Variants in EFL1 observed in about 807,000 individuals in gnomAD.
The protein encoded by EFL1 is elongation factor like GTPase 1.
In EFL1, 76 loss-of-function variants were observed where a neutral mutation model predicts 126.7. The observed-to-expected ratio is 0.60, with a 90% CI of 0.50 to 0.73. The LOEUF (loss-of-function observed/expected upper bound fraction) is 0.73, where lower values mean the gene tolerates loss of function less well. EFL1 is among the 30% of genes least tolerant of loss of function. The pLI, the probability that EFL1 is intolerant of heterozygous loss-of-function variation, is 0.00. For missense variants in EFL1, 1,128 were observed against 1,343.2 expected, an observed-to-expected ratio of 0.84 and a Z score of 2.50; for synonymous variants, 410 against 448.4, an observed-to-expected ratio of 0.91 and a Z score of 1.08.
chr15:82,133,331 G>T (rs760848226), intron 19 of EFL1, among the ~76,000 whole-genome samples: 1 of 152,158 alleles, frequency 6.6e-6, no homozygotes, highest in Non-Finnish European at 1.5e-5. Flanking sequence ...ATACAGGGTT[G>T]TTGTGAAGAC....
intron 17 of EFL1, 34 bp downstream of exon 17, chr15:82,157,679 T>C: frequency 6.3e-7 from 1 of 1,591,736 alleles, no homozygotes; most frequent in Non-Finnish European, 8.6e-7. Flanking sequence ...GATTGAGAGC[T>C]ATCATTTCTC....
chr15:82,146,858 G>C (rs1261433261), intron 18 of EFL1, among the ~76,000 whole-genome samples: 1 of 152,116 alleles, frequency 6.6e-6, no homozygotes, highest in Non-Finnish European at 1.5e-5. Flanking sequence ...ATGATCCTTT[G>C]CTCCAGAGAG....
chr15:82,175,930 C>T (rs1016021832), intron 15 of EFL1, among the ~76,000 whole-genome samples: 3 of 151,898 alleles, frequency 2.0e-5, no homozygotes, highest in Non-Finnish European at 4.4e-5. Flanking sequence ...TGTAGGAATG[C>T]TAGTATTGAG....
At chr15:82,132,686 G>GC (rs1555423069) in intron 19 of EFL1, among the ~76,000 whole-genome samples, 1 of 99,472 alleles carries the variant, frequency 1.0e-5, no homozygotes, top group Non-Finnish European at 2.1e-5. Context: ...GGAATTGGGG[G>GC]GGGGGGGGGG....
chr15:82,235,792 C>A (rs182682702), intron 7 of EFL1, among the ~76,000 whole-genome samples: 2 of 152,170 alleles, frequency 1.3e-5, no homozygotes, highest in Admixed American at 1.3e-4. Flanking sequence ...AAGAACAAGG[C>A]AAGGATGCCC....
chr15:82,205,364 A>G (rs1185243480), intron 15 of EFL1, among the ~76,000 whole-genome samples: 1 of 152,204 alleles, frequency 6.6e-6, no homozygotes, highest in Non-Finnish European at 1.5e-5. Flanking sequence ...TCAGAATCTT[A>G]TTCTGTCCAA....
intron 15 of EFL1, among the ~76,000 whole-genome samples, chr15:82,198,323 T>C (rs1331478815): frequency 6.6e-6 from 1 of 152,206 alleles, no homozygotes; most frequent in Non-Finnish European, 1.5e-5. Context: ...TCAAGGCCAG[T>C]GTAAACGAGA....
chr15:82,196,815 C>T (rs1402905469), intron 15 of EFL1, among the ~76,000 whole-genome samples: 4 of 152,250 alleles, frequency 2.6e-5, no homozygotes, highest in African/African-American at 9.6e-5. Context: ...GGGCGGATCA[C>T]GAGGTCAGGA....
At chr15:82,144,292 G>A (rs1341437159) in intron 18 of EFL1, among the ~76,000 whole-genome samples, 3 of 150,382 alleles carry the variant, frequency 2.0e-5, no homozygotes, top group Non-Finnish European at 4.4e-5. Context: ...ATGCTGAACA[G>A]CAGTTCCTAT....
intron 15 of EFL1, among the ~76,000 whole-genome samples, chr15:82,204,718 G>A (rs984312033): frequency 1.9e-4 from 29 of 152,016 alleles, no homozygotes; most frequent in Non-Finnish European, 3.5e-4. Context: ...GCTCATTACC[G>A]CCCACCTACT....
intron 15 of EFL1, among the ~76,000 whole-genome samples, chr15:82,175,181 AAGCTTCAAAAGCTTGGG>A (rs1205168229): frequency 6.6e-6 from 1 of 152,080 alleles, no homozygotes; most frequent in Non-Finnish European, 1.5e-5. Context: ...TTCCAATCCC[AAGCTTCAAAAGCTTGGG>A]ATTTTTGAGA....
chr15:82,175,198 G>T (rs1005777547), intron 15 of EFL1, among the ~76,000 whole-genome samples: 1 of 152,256 alleles, frequency 6.6e-6, no homozygotes, highest in Admixed American at 6.5e-5. Context: ...AAAAGCTTGG[G>T]ATTTTTGAGA....
chr15:82,170,828 A>T (rs913945760), intron 15 of EFL1, among the ~76,000 whole-genome samples: 5 of 152,212 alleles, frequency 3.3e-5, no homozygotes, highest in Admixed American at 3.3e-4. Context: ...CCATTTACCT[A>T]AATTTATATT....
intron 17 of EFL1, 93 bp from the exon 18 acceptor site, chr15:82,152,516 A>G (rs1335240877): frequency 9.3e-7 from 1 of 1,080,050 alleles, no homozygotes; most frequent in African/African-American, 1.6e-5. Flanking sequence ...GAGATTCTGT[A>G]AAAACATAGG....
intron 15 of EFL1, among the ~76,000 whole-genome samples, chr15:82,184,987 C>T (rs150478968): frequency 5.3e-5 from 8 of 152,286 alleles, no homozygotes; most frequent in African/African-American, 1.9e-4. Context: ...CCAGACTGTG[C>T]TAACATGAAG....
At chr15:82,173,880 C>A (rs7166570) in intron 15 of EFL1, among the ~76,000 whole-genome samples, 1 of 151,916 alleles carries the variant, frequency 6.6e-6, no homozygotes. Flanking sequence ...ATAAAACAAT[C>A]TTTTTTTCTT....
intron 16 of EFL1, among the ~76,000 whole-genome samples, chr15:82,162,637 T>C (rs906980890): frequency 6.6e-6 from 1 of 152,184 alleles, no homozygotes; most frequent in Non-Finnish European, 1.5e-5. Context: ...CAGTCCACAG[T>C]GACAGCCCAC....
intron 14 of EFL1, among the ~76,000 whole-genome samples, chr15:82,217,486 G>A (rs1169804923): frequency 9.1e-5 from 13 of 142,452 alleles, no homozygotes; most frequent in African/African-American, 3.4e-4. Context: ...AACAATAAAC[G>A]AGCTACGGGA....
At chr15:82,137,244 C>G (rs768734504) in intron 19 of EFL1, among the ~76,000 whole-genome samples, 5 of 152,098 alleles carry the variant, frequency 3.3e-5, no homozygotes, top group Admixed American at 6.6e-5. Flanking sequence ...ATTTTCCATT[C>G]TCTTCTAAAT....
Sources: allele counts gnomAD v4.1 joint callset (sites outside exome capture counted in the v4.1 genomes callset), GRCh38; gene constraint gnomAD v4.1.1; transcripts MANE v1.5; gene names NCBI Gene and HGNC (gene_info 2026-07-23, HGNC 2026-07-21).